NALF1: variants seen among roughly 807,000 people sequenced by gnomAD.
NALF1 encodes NALCN channel auxiliary factor 1, also known as family with sequence similarity 155 member A.
Under a neutral mutation model 48.4 loss-of-function variants are expected in NALF1, and 3 were observed. The observed-to-expected ratio is 0.06, with a 90% CI of 0.03 to 0.16. NALF1 has a LOEUF of 0.16. Ranked by LOEUF, NALF1 falls within the 10% of genes least tolerant of loss-of-function variation. The pLI, the probability that NALF1 is intolerant of heterozygous loss-of-function variation, is 1.00. For missense variants in NALF1, 526 were observed against 571.5 expected (o/e 0.92, Z 0.81); for synonymous variants, 262 against 245.7 (o/e 1.07, Z -0.62).
intron 1 of NALF1, among the ~76,000 whole-genome samples, chr13:107,327,014 T>C (rs7317509): frequency 0.34 from 51,492 of 152,084 alleles, 8,864 homozygotes; most frequent in Non-Finnish European, 0.37. Context: ...GTCACAAGAA[T>C]GCCTAACCCC....
chr13:107,632,302 T>C (rs1325819566), intron 1 of NALF1, among the ~76,000 whole-genome samples: 1 of 152,202 alleles, frequency 6.6e-6, no homozygotes, highest in Non-Finnish European at 1.5e-5. Flanking sequence ...CTTTACGTCC[T>C]TGGGTAATTC....
intron 1 of NALF1, among the ~76,000 whole-genome samples, chr13:107,462,383 A>T (rs1203510396): frequency 6.6e-6 from 1 of 152,270 alleles, no homozygotes; most frequent in Non-Finnish European, 1.5e-5. Context: ...TATTACATAT[A>T]TTTGAAGAAA....
At chr13:107,811,878 G>C (rs1443146172) in intron 1 of NALF1, among the ~76,000 whole-genome samples, 1 of 152,082 alleles carries the variant, frequency 6.6e-6, no homozygotes, top group Non-Finnish European at 1.5e-5. Context: ...TAATACGATG[G>C]GAATTAAGTT....
chr13:107,750,297 A>G (rs998711619), intron 1 of NALF1, among the ~76,000 whole-genome samples: 1 of 152,066 alleles, frequency 6.6e-6, no homozygotes, highest in East Asian at 1.9e-4. Context: ...TACGGTCTTC[A>G]AGCTGTCAAA....
intron 1 of NALF1, among the ~76,000 whole-genome samples, chr13:107,220,241 T>G (rs1310150657): frequency 6.6e-6 from 1 of 152,256 alleles, no homozygotes; most frequent in Non-Finnish European, 1.5e-5. Context: ...TTTGTTGTTT[T>G]CTGCATTATC....
intron 1 of NALF1, among the ~76,000 whole-genome samples, chr13:107,454,360 A>G (rs919253568): frequency 6.6e-6 from 1 of 152,190 alleles, no homozygotes; most frequent in African/African-American, 2.4e-5. Flanking sequence ...GAAAATTACA[A>G]TTATGGCAGA....
chr13:107,205,776 T>A (rs561969955), intron 2 of NALF1, among the ~76,000 whole-genome samples: 2 of 152,180 alleles, frequency 1.3e-5, no homozygotes, highest in Non-Finnish European at 2.9e-5. Context: ...CTATTTTATC[T>A]ATCAATCAAA....
At chr13:107,408,507 C>G (rs1883937208) in intron 1 of NALF1, among the ~76,000 whole-genome samples, 1 of 152,068 alleles carries the variant, frequency 6.6e-6, no homozygotes, top group East Asian at 1.9e-4. Context: ...CACTGTTAGG[C>G]TGTAGTTGAT....
At chr13:107,321,432 A>G (rs1400532247) in intron 1 of NALF1, among the ~76,000 whole-genome samples, 1 of 152,170 alleles carries the variant, frequency 6.6e-6, no homozygotes, top group Non-Finnish European at 1.5e-5. Context: ...CACTGGAAAC[A>G]TAAAATTTGC....
At chr13:107,389,201 G>A (rs1346795437) in intron 1 of NALF1, among the ~76,000 whole-genome samples, 1 of 152,132 alleles carries the variant, frequency 6.6e-6, no homozygotes, top group African/African-American at 2.4e-5. Context: ...TCGACACTCC[G>A]GGTAGCTGTC....
chr13:107,638,589 GAC>G (rs1353322962), intron 1 of NALF1, among the ~76,000 whole-genome samples: 1 of 152,080 alleles, frequency 6.6e-6, no homozygotes, highest in Non-Finnish European at 1.5e-5. Context: ...TGCTGAATAA[GAC>G]AGTTTCAGAG....
intron 1 of NALF1, among the ~76,000 whole-genome samples, chr13:107,436,253 T>A (rs373196370): frequency 1.3e-5 from 2 of 152,198 alleles, no homozygotes; most frequent in East Asian, 3.9e-4. Context: ...AAGAGAAAAT[T>A]CACTTTGCTG....
intron 1 of NALF1, among the ~76,000 whole-genome samples, chr13:107,824,565 T>G (rs1879456152): frequency 6.6e-6 from 1 of 152,186 alleles, no homozygotes; most frequent in African/African-American, 2.4e-5. Flanking sequence ...ATGAGTCTGA[T>G]AGTCTAGACA....
At chr13:107,847,777 G>T (rs900192322) in intron 1 of NALF1, among the ~76,000 whole-genome samples, 6 of 152,168 alleles carry the variant, frequency 3.9e-5, no homozygotes, top group Non-Finnish European at 5.9e-5. Flanking sequence ...CTGTAGCTTT[G>T]CTGAGGACAC....
chr13:107,350,009 T>G (rs980015917), intron 1 of NALF1, among the ~76,000 whole-genome samples: 1 of 152,112 alleles, frequency 6.6e-6, no homozygotes, highest in African/African-American at 2.4e-5. Flanking sequence ...CCCTACGACC[T>G]AGATCCCTCA....
At chr13:107,726,609 C>CTTT (rs747619499) in intron 1 of NALF1, among the ~76,000 whole-genome samples, 2 of 98,576 alleles carry the variant, frequency 2.0e-5, no homozygotes, top group Admixed American at 1.5e-4. Flanking sequence ...AAGGCAAATT[C>CTTT]TTTTTTTTTT....
intron 1 of NALF1, among the ~76,000 whole-genome samples, chr13:107,624,448 T>C (rs770381026): frequency 7.2e-5 from 11 of 152,166 alleles, no homozygotes; most frequent in Non-Finnish European, 1.0e-4. Flanking sequence ...TAATCTGTAG[T>C]TCTGGAAAAA....
Position 107,691,114 on chromosome 13 carries a change from C to T in NALF1, c.915+174568G>A, listed in dbSNP as rs116177557. On this transcript the variant is annotated intron_variant, in intron 1 of 2. Transcript: ENST00000375915. ...CAATATCACTTATAAAAGGGGAAATCTGGACTCAGATGCATACACAGTGAG... is the reference window on the plus strand; with the variant it reads ...CAATATCACTTATAAAAGGGGAAATTTGGACTCAGATGCATACACAGTGAG... Among the ~76,000 whole-genome samples, 847 of 152,282 alleles carry T rather than the reference C, an allele frequency of 5.6e-3. 10 individuals are homozygous for T. The highest frequency in any genetic ancestry group is 0.019 in the African/African-American group (781 of 41,546).
At chr13:107,673,989 G>A (rs1881054400) in intron 1 of NALF1, among the ~76,000 whole-genome samples, 1 of 152,052 alleles carries the variant, frequency 6.6e-6, no homozygotes, top group Non-Finnish European at 1.5e-5. Flanking sequence ...CAGCTATTAA[G>A]TGTTCTCCAA....
Sources: allele counts gnomAD v4.1 joint callset (sites outside exome capture counted in the v4.1 genomes callset), GRCh38; gene constraint gnomAD v4.1.1; transcripts MANE v1.5; gene names NCBI Gene and HGNC (gene_info 2026-07-23, HGNC 2026-07-21).